PLEKHA2: variants seen among roughly 807,000 people sequenced by gnomAD.
PLEKHA2 encodes the protein pleckstrin homology domain containing A2.
PLEKHA2 carries 28 observed loss-of-function variants against 53.2 expected under a neutral mutation model. The ratio of observed to expected loss-of-function variants is 0.53; its 90% CI spans 0.39 to 0.72. The LOEUF (loss-of-function observed/expected upper bound fraction) is 0.72, where lower values mean the gene tolerates loss of function less well. PLEKHA2 is among the 30% of genes least tolerant of loss of function. PLEKHA2 has a pLI of 0.00. For missense variants in PLEKHA2, 426 were observed against 537.9 expected (o/e 0.79, Z 2.06); for synonymous variants, 193 against 196.4 (o/e 0.98, Z 0.14).
chr8:38,942,646 G>A (rs1218513716), intron 3 of PLEKHA2, among the ~76,000 whole-genome samples: 1 of 152,204 alleles, frequency 6.6e-6, no homozygotes, highest in African/African-American at 2.4e-5. Context: ...AGGCTCAGTG[G>A]TGGAGGCTCA....
intron 3 of PLEKHA2, among the ~76,000 whole-genome samples, chr8:38,936,668 G>C (rs1351255154): frequency 6.6e-6 from 1 of 152,252 alleles, no homozygotes; most frequent in Non-Finnish European, 1.5e-5. Context: ...CTCTTGTGCT[G>C]AGAGCTGGGG....
intron 1 of PLEKHA2, among the ~76,000 whole-genome samples, chr8:38,912,509 A>C (rs182036305): frequency 2.8e-4 from 42 of 152,316 alleles, no homozygotes; most frequent in African/African-American, 8.7e-4. Context: ...CATTGCTAGA[A>C]TAGTAGAAGC....
chr8:38,969,340 A>G, intron 11 of PLEKHA2, 81 bp from the exon 12 acceptor site: 1 of 1,492,154 alleles, frequency 6.7e-7, no homozygotes, highest in Non-Finnish European at 9.0e-7. Context: ...CTGGTTGGGT[A>G]CTCTTTCTGG....
At chr8:38,908,836 T>C (rs1229665998) in intron 1 of PLEKHA2, among the ~76,000 whole-genome samples, 2 of 152,220 alleles carry the variant, frequency 1.3e-5, no homozygotes, top group Non-Finnish European at 2.9e-5. Context: ...TGTGAGTATG[T>C]CCTGTTGTTT....
At chr8:38,904,452 A>G (rs1349346152) in intron 1 of PLEKHA2, among the ~76,000 whole-genome samples, 4 of 152,214 alleles carry the variant, frequency 2.6e-5, no homozygotes, top group Non-Finnish European at 5.9e-5. Flanking sequence ...CTGCAGTTAA[A>G]GTGCGAAGGC....
At chr8:38,927,363 A>G (rs1338503922) in intron 2 of PLEKHA2, among the ~76,000 whole-genome samples, 1 of 152,012 alleles carries the variant, frequency 6.6e-6, no homozygotes, top group Non-Finnish European at 1.5e-5. Flanking sequence ...GAAATTAGGC[A>G]ATCGTGGTGG....
rs144391918 is a variant in PLEKHA2 at position 38,947,727 on chromosome 8, G to A, written c.345+1506G>A. Among the ~76,000 whole-genome samples, 314 of 152,266 alleles carry A rather than the reference G, an allele frequency of 2.1e-3. 1 individual carries two copies. The highest frequency in any genetic ancestry group is 1.5e-3 in the Non-Finnish European group (100 of 68,022). On this transcript the variant is annotated intron_variant, in intron 5 of 11. Coordinates refer to ENST00000617275, the MANE Select transcript of PLEKHA2 (RefSeq NM_021623.2). ...TAAGCACTGACAAACAGTGTTCTTC[G>A]GGATTTTGAGAGGAAACACAGCAGC...
rs1834140919 is a variant in PLEKHA2 at position 38,919,508 on chromosome 8, G to A, written c.141+1438G>A. Among the ~76,000 whole-genome samples the A allele has an allele frequency of 2.6e-5, 4 of 152,308 alleles. No individual in the cohort carries two copies. The South Asian group carries it at 8.3e-4, about 32-fold the overall frequency. On this transcript the variant is annotated intron_variant, in intron 2 of 11. Coordinates refer to ENST00000617275, the MANE Select transcript of PLEKHA2 (RefSeq NM_021623.2). ...CTGTGTTGGGATGAAGAAGGGTGTGGGATCTGGGATTTGGCTCTAGTTCCG... is the reference window on the plus strand; with the variant it reads ...CTGTGTTGGGATGAAGAAGGGTGTGAGATCTGGGATTTGGCTCTAGTTCCG...
chr8:38,951,340 C>T (rs906238787), intron 6 of PLEKHA2, among the ~76,000 whole-genome samples: 2 of 152,168 alleles, frequency 1.3e-5, no homozygotes, highest in African/African-American at 4.8e-5. Flanking sequence ...GGTTCACATT[C>T]CCTATCCTTC....
At chr8:38,952,838 C>T (rs947171378) in intron 8 of PLEKHA2, 134 bp downstream of exon 8, 10 of 849,484 alleles carry the variant, frequency 1.2e-5, no homozygotes, top group African/African-American at 8.4e-5. Context: ...GTCTTATCTC[C>T]ATTCTGTGCA....
Position 38,970,406 on chromosome 8 carries a change from G to T in PLEKHA2, c.*623G>T, listed in dbSNP as rs533111801. On this transcript the variant is annotated 3_prime_UTR_variant, in exon 12 of 12. Coordinates refer to ENST00000617275, the MANE Select transcript of PLEKHA2 (RefSeq NM_021623.2). ...GAGATACAAAAAGAATCTAGAGAGA[G>T]ATATATATTTTTAATGAAATAGAAG... is the stretch of plus-strand genomic sequence containing the variant. 1.6e-3 allele frequency: 263 copies of T among 169,502 alleles called. No individual in the cohort carries two copies. Among genetic ancestry groups the T allele is most frequent in the Non-Finnish European group, 2.6e-3 (210 of 79,976 alleles). 10.5% of individuals were successfully genotyped at this position (169,502 alleles called of 1,614,324 possible).
At chr8:38,940,424 GA>G (rs915765383) in intron 3 of PLEKHA2, among the ~76,000 whole-genome samples, 8 of 152,002 alleles carry the variant, frequency 5.3e-5, no homozygotes, top group African/African-American at 1.7e-4. Context: ...GCTGGAAGTA[GA>G]AGGGGAGGAT....
chr8:38,922,177 C>T lies in PLEKHA2; in HGVS notation c.141+4107C>T, dbSNP rs755711827. Among the ~76,000 whole-genome samples, 2 of 152,128 alleles carry T rather than the reference C, an allele frequency of 1.3e-5. No individual in the cohort carries two copies. Among genetic ancestry groups the T allele is most frequent in the South Asian group, 2.1e-4 (1 of 4,818 alleles). ...CCATTATTGCTGATAATGAGACAGG[C>T]GTCTAAGGGTGACTTGGAGGATGAA... On this transcript the variant is annotated intron_variant, in intron 2 of 11. Transcript: ENST00000617275. The surrounding 1 kb of genome is among the most constrained non-coding windows in gnomAD (Gnocchi z 4.0).
At chr8:38,968,103 A>G (rs940205475) in intron 10 of PLEKHA2, among the ~76,000 whole-genome samples, 1 of 152,196 alleles carries the variant, frequency 6.6e-6, no homozygotes, top group Non-Finnish European at 1.5e-5. Context: ...GAGGATTTAC[A>G]GTGGGATTTG....
At chr8:38,903,847 A>G (rs1364717140) in intron 1 of PLEKHA2, among the ~76,000 whole-genome samples, 1 of 152,188 alleles carries the variant, frequency 6.6e-6, no homozygotes, top group Non-Finnish European at 1.5e-5. Context: ...GGGCTTGGAA[A>G]AGAGGATCTG....
At chr8:38,906,239 G>A (rs944306775) in intron 1 of PLEKHA2, among the ~76,000 whole-genome samples, 1 of 152,246 alleles carries the variant, frequency 6.6e-6, no homozygotes, top group African/African-American at 2.4e-5. Flanking sequence ...ATGGTCTGAT[G>A]AGCCTTCAGC....
chr8:38,956,155 T>TC lies in PLEKHA2; in HGVS notation c.774-1164dup, dbSNP rs1834936037. 2.0e-5 allele frequency among the ~76,000 whole-genome samples: 3 copies of TC among 152,306 alleles called. No homozygotes were observed. In the South Asian group the frequency reaches 6.2e-4, roughly 32 times the overall value. ...ATTAGATCTTTTACTCCTTATGTAT[T>TC]CCCCGCAGTGGCTGGGGATATACGC... On this transcript the variant is annotated intron_variant, in intron 9 of 11. Transcript: ENST00000617275.
chr8:38,933,790 A>AAAAAAAAAAAAAAAAAAAAAAAAAGAAAG (rs71216697), intron 2 of PLEKHA2, among the ~76,000 whole-genome samples: 2 of 90,658 alleles, frequency 2.2e-5, no homozygotes, highest in African/African-American at 7.7e-5. Flanking sequence ...AAAAAAAAAA[A>AAAAAAAAAAAAAAAAAAAAAAAAAGAAAG]AAAAGAAAAG....
chr8:38,951,127 G>A, intron 6 of PLEKHA2, 137 bp downstream of exon 6: 1 of 750,642 alleles, frequency 1.3e-6, no homozygotes, highest in Non-Finnish European at 2.0e-6. Flanking sequence ...GGAGCCATCA[G>A]GAAAGTACAG....
Sources: allele counts gnomAD v4.1 joint callset (sites outside exome capture counted in the v4.1 genomes callset), GRCh38; gene constraint gnomAD v4.1.1; non-coding constraint Gnocchi (gnomAD v3.1); transcripts MANE v1.5; gene names NCBI Gene and HGNC (gene_info 2026-07-23, HGNC 2026-07-21).